Variants in DLC1 observed in about 807,000 individuals in gnomAD.
DLC1 encodes rho GTPase-activating protein 7.
In DLC1, 54 loss-of-function variants were observed where a neutral mutation model predicts 140.3. The observed-to-expected ratio is 0.38, with a 90% CI of 0.31 to 0.48. The LOEUF is 0.48. Ranked by LOEUF, DLC1 falls within the 20% of genes least tolerant of loss-of-function variation. The probability of loss-of-function intolerance (pLI) is 0.96; values close to 1 mark genes in which losing one functional copy is unlikely to be tolerated. For synonymous variants in DLC1, 986 were observed against 728.1 expected, an observed-to-expected ratio of 1.35 and a Z score of -5.70; for missense variants, 2,536 against 1,907.0, an observed-to-expected ratio of 1.33 and a Z score of -6.14.
At chr8:13,353,831 T>C (rs1315689073) in intron 4 of DLC1, among the ~76,000 whole-genome samples, 1 of 150,204 alleles carries the variant, frequency 6.7e-6, no homozygotes, top group Non-Finnish European at 1.5e-5. Context: ...CACTCCAGCC[T>C]GGGGGACAAG....
intron 5 of DLC1, among the ~76,000 whole-genome samples, chr8:13,268,455 C>T (rs1430645895): frequency 6.6e-6 from 1 of 151,782 alleles, no homozygotes; most frequent in African/African-American, 2.4e-5. Context: ...GCTGGGACTA[C>T]AGGCGCGCAG....
chr8:13,454,083 AG>A (rs1799279399), intron 2 of DLC1, among the ~76,000 whole-genome samples: 1 of 152,170 alleles, frequency 6.6e-6, no homozygotes, highest in Non-Finnish European at 1.5e-5. Flanking sequence ...GGCATTAAAA[AG>A]AAAAAGAGTG....
Position 13,465,163 on chromosome 8 carries a change from G to A in DLC1, c.1023+33886C>T, listed in dbSNP as rs191953241. On this transcript the variant is annotated intron_variant, in intron 2 of 17. Transcript: ENST00000276297. ...CCATTCTGTTGTCCGTGGTCTTTTG[G>A]ATTATTTCTAGTATTTAATTATTAT... is the stretch of plus-strand genomic sequence containing the variant. 1.4e-4 allele frequency among the ~76,000 whole-genome samples: 22 copies of A among 152,180 alleles called. No individual in the cohort carries two copies. The East Asian group carries it at 4.1e-3, about 28-fold the overall frequency.
chr8:13,572,521 C>T (rs1351164620), intron 1 of DLC1, among the ~76,000 whole-genome samples: 1 of 151,930 alleles, frequency 6.6e-6, no homozygotes, highest in Non-Finnish European at 1.5e-5. Context: ...TCTTTTATTG[C>T]CTATGCTTTT....
chr8:13,244,930 G>C (rs974546825), intron 5 of DLC1, among the ~76,000 whole-genome samples: 1 of 152,144 alleles, frequency 6.6e-6, no homozygotes, highest in African/African-American at 2.4e-5. Flanking sequence ...CCAACATTTT[G>C]TTGTTCTTGT....
chr8:13,320,011 A>G (rs1833028417), intron 4 of DLC1, among the ~76,000 whole-genome samples: 1 of 151,740 alleles, frequency 6.6e-6, no homozygotes, highest in Admixed American at 6.6e-5. Flanking sequence ...TTTAATAGAA[A>G]TGGGGTTTCA....
At chr8:13,470,392 C>T (rs1177207652) in intron 2 of DLC1, among the ~76,000 whole-genome samples, 1 of 150,156 alleles carries the variant, frequency 6.7e-6, no homozygotes, top group East Asian at 1.9e-4. Flanking sequence ...AACAACCAAA[C>T]AAACAACAGA....
chr8:13,584,495 G>T (rs896157354), intron 1 of DLC1: 3 of 152,218 alleles, frequency 2.0e-5, no homozygotes, highest in African/African-American at 7.2e-5. Context: ...TTGTCATGAT[G>T]ATATCATTTG....
In DLC1 at chr8:13,100,026, G is replaced by A. The variant is rs1315109257; in HGVS notation, c.2311C>T (p.Arg771Trp). The A allele has an allele frequency of 6.2e-6, 10 of 1,612,666 alleles. No homozygotes were observed. In the Admixed American group the frequency reaches 1.5e-4, roughly 24 times the overall value. The stretch of plus-strand genomic sequence containing the variant: ...AAGCCCTCTAAGTACATGCCCACCC[G>A]CTTGTTGCACGCACTGAGGCTCCGG... Reference protein sequence around the residue: ...RTRSLSACNKRVGMYLEGFDP... With the variant: ...RTRSLSACNKWVGMYLEGFDP... Residue 771 changes from arginine to tryptophan, a missense_variant, in exon 9 of 18, where the codon CGG (arginine) becomes TGG (tryptophan). By Grantham distance (101) the Arg-to-Trp change is moderately radical. Transcript: ENST00000276297.
intron 16 of DLC1, 101 bp from the exon 17 acceptor site, chr8:13,086,564 G>C: frequency 1.5e-6 from 2 of 1,363,412 alleles, no homozygotes; most frequent in Non-Finnish European, 2.0e-6. Flanking sequence ...TGACGGGTCA[G>C]GCTCAGTGGC....
chr8:13,128,093 A>G (rs1160548476), intron 5 of DLC1, among the ~76,000 whole-genome samples: 1 of 152,036 alleles, frequency 6.6e-6, no homozygotes, highest in Non-Finnish European at 1.5e-5. Context: ...AGGCTGATGA[A>G]TGATTAAGAG....
chr8:13,107,084 G>T (rs968960780), intron 7 of DLC1, among the ~76,000 whole-genome samples: 2 of 152,196 alleles, frequency 1.3e-5, no homozygotes, highest in East Asian at 3.9e-4. Flanking sequence ...GGCCAAAGCC[G>T]TTTCTCCAAG....
chr8:13,177,491 G>T (rs1825815542), intron 5 of DLC1, among the ~76,000 whole-genome samples: 1 of 152,150 alleles, frequency 6.6e-6, no homozygotes. Flanking sequence ...AATTTCACAA[G>T]TGCATAGTCT....
At chr8:13,420,655 A>G (rs551825369) in intron 2 of DLC1, among the ~76,000 whole-genome samples, 4 of 151,888 alleles carry the variant, frequency 2.6e-5, no homozygotes, top group Non-Finnish European at 5.9e-5. Context: ...AACATGCAGT[A>G]TTTGGTTTTC....
chr8:13,572,784 G>C (rs867340952), intron 1 of DLC1, among the ~76,000 whole-genome samples: 1 of 151,932 alleles, frequency 6.6e-6, no homozygotes, highest in Admixed American at 6.6e-5. Context: ...AAAATCAGTT[G>C]GTCATAGAAA....
At chr8:13,342,958 CTG>C (rs778290665) in intron 4 of DLC1, among the ~76,000 whole-genome samples, 12 of 152,092 alleles carry the variant, frequency 7.9e-5, no homozygotes, top group Non-Finnish European at 1.8e-4. Context: ...TGACTTCAGA[CTG>C]TCTTTTGTGT....
chr8:13,161,036 G>A (rs190441316), intron 5 of DLC1, among the ~76,000 whole-genome samples: 98 of 152,294 alleles, frequency 6.4e-4, no homozygotes, highest in African/African-American at 2.2e-3. Context: ...AGCCGAGATC[G>A]CGCCACTGCT....
chr8:13,248,823 G>A (rs1829875876), intron 5 of DLC1, among the ~76,000 whole-genome samples: 2 of 152,046 alleles, frequency 1.3e-5, no homozygotes, highest in South Asian at 2.1e-4. Flanking sequence ...CTTCAACCAG[G>A]AAAACCTCCA....
chr8:13,168,736 G>A (rs938718421), intron 5 of DLC1, among the ~76,000 whole-genome samples: 1 of 152,220 alleles, frequency 6.6e-6, no homozygotes, highest in Non-Finnish European at 1.5e-5. Context: ...AATTCAAAGT[G>A]AAGTCCACAT....
Sources: allele counts gnomAD v4.1 joint callset (sites outside exome capture counted in the v4.1 genomes callset), GRCh38; gene constraint gnomAD v4.1.1; transcripts MANE v1.5; gene names NCBI Gene and HGNC (gene_info 2026-07-23, HGNC 2026-07-21).